The following HPSE2 variants were observed in gnomAD, a reference collection of about 807,000 sequenced individuals.
HPSE2 encodes the protein inactive heparanase-2.
A neutral mutation model predicts 60.5 loss-of-function variants in HPSE2; 38 were observed. The ratio of observed to expected loss-of-function variants is 0.63; its 90% CI spans 0.48 to 0.82. The LOEUF (loss-of-function observed/expected upper bound fraction) is 0.82, where lower values mean the gene tolerates loss of function less well. HPSE2 is among the 40% of genes least tolerant of loss of function. The pLI is 0.00. For missense variants in HPSE2, 713 were observed against 740.4 expected (o/e 0.96, Z 0.43); for synonymous variants, 295 against 293.2 (o/e 1.01, Z -0.06).
At chr10:98,758,057 T>G (rs1292097979) in intron 3 of HPSE2, among the ~76,000 whole-genome samples, 1 of 152,258 alleles carries the variant, frequency 6.6e-6, no homozygotes, top group Non-Finnish European at 1.5e-5. Context: ...CATCCAATTT[T>G]CAACAACCTT....
intron 3 of HPSE2, among the ~76,000 whole-genome samples, chr10:98,821,748 T>C (rs888163041): frequency 2.6e-5 from 4 of 152,168 alleles, no homozygotes; most frequent in African/African-American, 9.7e-5. Context: ...TGTCAATAAT[T>C]TATTAAATTC....
At chr10:99,014,655 T>C (rs1026557280) in intron 3 of HPSE2, among the ~76,000 whole-genome samples, 3 of 152,220 alleles carry the variant, frequency 2.0e-5, no homozygotes, top group African/African-American at 4.8e-5. Flanking sequence ...TTCTAACTGG[T>C]GTGAGATGGT....
chr10:99,072,918 G>A (rs1464178269), intron 3 of HPSE2, among the ~76,000 whole-genome samples: 2 of 113,234 alleles, frequency 1.8e-5, no homozygotes, highest in Admixed American at 1.2e-4. Context: ...ACAGAGCCAG[G>A]CTCCGTCTCA....
chr10:98,909,402 G>C (rs575937588), intron 3 of HPSE2, among the ~76,000 whole-genome samples: 1 of 151,118 alleles, frequency 6.6e-6, no homozygotes, highest in Non-Finnish European at 1.5e-5. Flanking sequence ...AGGTCGAAGC[G>C]GGTGAATCCA....
chr10:98,461,727 C>T (rs1940297513), intron 11 of HPSE2: 5 of 1,488,366 alleles, frequency 3.4e-6, no homozygotes, highest in Non-Finnish European at 4.6e-6. Flanking sequence ...TGGTTTCTCC[C>T]ATATACAGAA....
chr10:98,895,194 A>C (rs559043259), intron 3 of HPSE2, among the ~76,000 whole-genome samples: 1 of 152,296 alleles, frequency 6.6e-6, no homozygotes, highest in Non-Finnish European at 1.5e-5. Context: ...TACGTATAGA[A>C]ATTAAAAACA....
intron 2 of HPSE2, among the ~76,000 whole-genome samples, chr10:99,206,702 T>C (rs10786521): frequency 0.49 from 74,852 of 151,556 alleles, 21,640 homozygotes; most frequent in Non-Finnish European, 0.64. Flanking sequence ...ATAAGTATAA[T>C]GAGAAATTGA....
chr10:98,912,578 G>A (rs1262116742), intron 3 of HPSE2, among the ~76,000 whole-genome samples: 1 of 152,174 alleles, frequency 6.6e-6, no homozygotes, highest in Non-Finnish European at 1.5e-5. Context: ...TAAAGAAAAT[G>A]TGGTACATAT....
At chr10:98,811,410 C>G (rs189033657) in intron 3 of HPSE2, among the ~76,000 whole-genome samples, 1 of 152,168 alleles carries the variant, frequency 6.6e-6, no homozygotes, top group East Asian at 1.9e-4. Context: ...TACCACAATG[C>G]TGTATACAGA....
At chr10:98,515,204 G>A (rs1159143417) in intron 9 of HPSE2, among the ~76,000 whole-genome samples, 2 of 152,062 alleles carry the variant, frequency 1.3e-5, no homozygotes, top group African/African-American at 4.8e-5. Context: ...TTAAGACAGG[G>A]TAGGATCCAG....
At chr10:98,889,756 C>T (rs78030900) in intron 3 of HPSE2, among the ~76,000 whole-genome samples, 1 of 152,206 alleles carries the variant, frequency 6.6e-6, no homozygotes, top group South Asian at 2.1e-4. Flanking sequence ...GAGTTCCCTT[C>T]CAGTGGCAAA....
At chr10:98,515,543 CTA>C (rs1485964972) in intron 9 of HPSE2, among the ~76,000 whole-genome samples, 1 of 152,008 alleles carries the variant, frequency 6.6e-6, no homozygotes, top group African/African-American at 2.4e-5. Context: ...AAAGCAGACT[CTA>C]AAATAGAATT....
chr10:98,636,076 C>T (rs976774267), intron 7 of HPSE2, among the ~76,000 whole-genome samples: 1 of 152,080 alleles, frequency 6.6e-6, no homozygotes, highest in African/African-American at 2.4e-5. Context: ...TCCAAAATTA[C>T]AGCCAGATAA....
chr10:98,664,237 T>C (rs1947300020), intron 6 of HPSE2, among the ~76,000 whole-genome samples: 1 of 152,000 alleles, frequency 6.6e-6, no homozygotes, highest in Non-Finnish European at 1.5e-5. Context: ...CACAACTGTG[T>C]TACCCTGGTA....
chr10:99,285,235 C>T, the HPSE2 span, among the ~76,000 whole-genome samples: 1 of 151,094 alleles, frequency 6.6e-6, no homozygotes, highest in Non-Finnish European at 1.5e-5. Context: ...CTGAGACCAG[C>T]CTGGCAACAT....
rs1246914670 is a variant in HPSE2, at chr10:99,160,628, G to A, written c.449-16229C>T. 3.3e-5 allele frequency among the ~76,000 whole-genome samples: 5 copies of A among 152,068 alleles called. No individual in the cohort carries two copies. The East Asian group carries it at 5.8e-4, about 18-fold the overall frequency. The stretch of plus-strand genomic sequence containing the variant: ...TAAAGATTTCTACATGGCCGGGCGC[G>A]GTGGCTCACGCCTGTAATCCCAGCA... On this transcript the variant is annotated intron_variant, in intron 2 of 11. Transcript: ENST00000370552.
intron 3 of HPSE2, among the ~76,000 whole-genome samples, chr10:98,775,359 C>T (rs1950316893): frequency 6.6e-6 from 1 of 152,206 alleles, no homozygotes; most frequent in Admixed American, 6.5e-5. Flanking sequence ...TTAACTAGGG[C>T]ACATCTCCAT....
chr10:99,290,995 A>G, the HPSE2 span, among the ~76,000 whole-genome samples: 2 of 152,200 alleles, frequency 1.3e-5, no homozygotes, highest in Admixed American at 6.5e-5. Context: ...TTGGTCTGAT[A>G]TAAGTGAAAA....
intron 8 of HPSE2, among the ~76,000 whole-genome samples, chr10:98,616,184 G>A (rs1945903605): frequency 6.6e-6 from 1 of 152,148 alleles, no homozygotes; most frequent in South Asian, 2.1e-4. Context: ...CCAGCCAACA[G>A]TGGTACCTTC....
Sources: allele counts gnomAD v4.1 joint callset (sites outside exome capture counted in the v4.1 genomes callset), GRCh38; gene constraint gnomAD v4.1.1; transcripts MANE v1.5; gene names NCBI Gene and HGNC (gene_info 2026-07-23, HGNC 2026-07-21).